RCN3: variants seen among roughly 807,000 people sequenced by gnomAD.
RCN3 encodes the protein reticulocalbin 3.
In RCN3, 41 loss-of-function variants were observed where a neutral mutation model predicts 35.9. That is an observed-to-expected ratio of 1.14 (90% CI 0.89 to 1.48). The LOEUF (loss-of-function observed/expected upper bound fraction) is 1.48. Ranked by LOEUF, RCN3 falls within the 40% of genes most tolerant of loss-of-function variation. RCN3 has a pLI of 0.00. For missense variants in RCN3, 451 were observed against 471.3 expected (o/e 0.96, Z 0.40); for synonymous variants, 187 against 193.4 (o/e 0.97, Z 0.27).
chr19:49,531,188 G>A (rs530257212), intron 2 of RCN3, among the ~76,000 whole-genome samples: 10 of 152,302 alleles, frequency 6.6e-5, no homozygotes, highest in East Asian at 1.9e-4. Context: ...GCATGGTGGC[G>A]TGCTCCTGTA....
chr19:49,543,420 G>A lies in RCN3; in HGVS notation c.*207G>A. The stretch of plus-strand genomic sequence containing the variant: ...AGGGAGGGGCTGTCATAGTCCCAGA[G>A]GATAAGCAATACCTATTTCTGACTG... On this transcript the variant is annotated 3_prime_UTR_variant, in exon 7 of 7. Coordinates refer to ENST00000270645, the MANE Select transcript of RCN3 (RefSeq NM_020650.3). The A allele has an allele frequency of 1.7e-6, 1 of 594,940 alleles. No homozygotes were observed. The highest frequency in any genetic ancestry group is 3.0e-6 in the Non-Finnish European group (1 of 333,130). The allele number at this position is 594,940 out of a possible 1,614,324, so 36.9% of individuals were successfully genotyped here.
At chr19:49,533,263 G>A (rs1291534232) in intron 2 of RCN3, among the ~76,000 whole-genome samples, 14 of 152,214 alleles carry the variant, frequency 9.2e-5, no homozygotes, top group Admixed American at 7.2e-4. Context: ...CGCCTGGTGC[G>A]GGAGGTGGGG....
intron 3 of RCN3, among the ~76,000 whole-genome samples, chr19:49,535,861 AATAT>A (rs1555811304): frequency 4.9e-5 from 7 of 142,746 alleles, no homozygotes; most frequent in African/African-American, 1.3e-4. Flanking sequence ...AAAAAAAAAA[AATAT>A]ATATATATAT....
At chr19:49,530,497 C>CTT (rs1220087922) in intron 2 of RCN3, among the ~76,000 whole-genome samples, 2,445 of 128,276 alleles carry the variant, frequency 0.019, 145 homozygotes, top group East Asian at 0.14. Flanking sequence ...TCTTTTTTTT[C>CTT]TTTTTTTTTT....
intron 2 of RCN3, 132 bp from the exon 3 acceptor site, chr19:49,534,061 C>A: frequency 1.1e-6 from 1 of 946,536 alleles, no homozygotes; most frequent in Non-Finnish European, 1.5e-6. Flanking sequence ...CGCGCCCCTC[C>A]CCAGTTAGCC....
In RCN3 at chr19:49,537,170, G is replaced by A. The variant is rs779538986; in HGVS notation, c.583G>A (p.Glu195Lys). ...REELTAFLHP[E>K]EFPHMRDIVI... The stretch of plus-strand genomic sequence containing the variant: ...GGAGCTGACAGCCTTCCTGCACCCC[G>A]AGGAGTTCCCTCACATGCGGGACAT... The change falls in exon 4 of 7, where the codon GAG becomes AAG. Residue 195 changes from glutamate to lysine, a missense_variant. Transcript: ENST00000270645. The A allele has an allele frequency of 4.7e-5, 73 of 1,568,794 alleles. No homozygotes were observed. In the East Asian group the frequency reaches 7.2e-4, roughly 16 times the overall value.
chr19:49,542,905 G>C lies in RCN3; in HGVS notation c.879+153G>C, dbSNP rs956382290. Among the ~76,000 whole-genome samples, 7 of 152,152 alleles carry C rather than the reference G, an allele frequency of 4.6e-5. No individual in the cohort carries two copies. The East Asian group carries it at 1.2e-3, about 25-fold the overall frequency. On this transcript the variant is annotated intron_variant, in intron 6 of 6. Coordinates refer to ENST00000270645, the MANE Select transcript of RCN3 (RefSeq NM_020650.3). ...GAGAGGGAGGAAAAGAGAGGGCACGGAGCCCCAGAAAGAGAGGGGGACAGA... is the reference window on the plus strand; with the variant it reads ...GAGAGGGAGGAAAAGAGAGGGCACGCAGCCCCAGAAAGAGAGGGGGACAGA...
rs761710307 is a variant in RCN3, at chr19:49,537,210, G to A, written c.618+5G>A. 7 of 1,499,224 alleles carry A rather than the reference G, an allele frequency of 4.7e-6. No homozygotes were observed. The highest frequency in any genetic ancestry group is 2.1e-5 in the Admixed American group (1 of 47,590). 92.9% of individuals were successfully genotyped at this position (1,499,224 alleles called of 1,614,324 possible). ...ATGCGGGACATCGTGATTGCTGTGA[G>A]TGGCGGCTGGGGAACCCTGTCCCCC... On this transcript the variant is annotated splice_donor_5th_base_variant and intron_variant, in intron 4 of 6. Transcript: ENST00000270645.
At chr19:49,536,904 C>T in intron 3 of RCN3, 129 bp from the exon 4 acceptor site, 2 of 805,726 alleles carry the variant, frequency 2.5e-6, no homozygotes, top group Non-Finnish European at 3.6e-6. Context: ...CTGCATCCAG[C>T]CTACTGATAT....
At position 49,543,435 on chromosome 19, in the gene RCN3, A is replaced by G; in HGVS notation, c.*222A>G. 1 of 571,144 alleles carries G rather than the reference A, an allele frequency of 1.8e-6. No homozygotes were observed. The highest frequency in any genetic ancestry group is 2.9e-5 in the East Asian group (1 of 34,002). 35.4% of individuals were successfully genotyped at this position (571,144 alleles called of 1,614,324 possible). On this transcript the variant is annotated 3_prime_UTR_variant, in exon 7 of 7. Transcript: ENST00000270645. The stretch of plus-strand genomic sequence containing the variant: ...TAGTCCCAGAGGATAAGCAATACCT[A>G]TTTCTGACTGAGTCTCCCAGCCCAG...
At chr19:49,529,515 C>T (rs2080098202) in intron 2 of RCN3, among the ~76,000 whole-genome samples, 1 of 152,216 alleles carries the variant, frequency 6.6e-6, no homozygotes, top group Non-Finnish European at 1.5e-5. Context: ...ATTGAGCCTG[C>T]AAAGGTTTAT....
intron 2 of RCN3, among the ~76,000 whole-genome samples, chr19:49,533,651 C>T (rs1313995438): frequency 1.4e-5 from 2 of 141,448 alleles, no homozygotes; most frequent in Non-Finnish European, 3.0e-5. Context: ...GGGCTCAGCA[C>T]AGGGCAGGGC....
chr19:49,528,487 A>G lies in RCN3; in HGVS notation c.15A>G (p.Pro5=), dbSNP rs200270685. The G allele has an allele frequency of 9.3e-4, 1,410 of 1,514,472 alleles. 12 individuals carry two copies. The highest frequency in any genetic ancestry group is 6.7e-4 in the Non-Finnish European group (756 of 1,131,612). 93.8% of individuals were successfully genotyped at this position (1,514,472 alleles called of 1,614,324 possible). Residue 5 remains proline, a synonymous_variant, in exon 2 of 7, where the codon CCA becomes CCG. Transcript: ENST00000270645. ...CCCAGGGACCGATGATGTGGCGACC[A>G]TCAGTTCTGCTGCTTCTGTTGCTAC... MMWR[P]SVLLLLLLLR...
chr19:49,540,491 G>C (rs1482886471), intron 5 of RCN3, among the ~76,000 whole-genome samples: 1 of 152,016 alleles, frequency 6.6e-6, no homozygotes, highest in Admixed American at 6.6e-5. Flanking sequence ...CTGTTGGCAG[G>C]AGCCTGTAAT....
At chr19:49,528,280 G>A in intron 1 of RCN3, 187 bp from the exon 2 acceptor site, 1 of 520,670 alleles carries the variant, frequency 1.9e-6, no homozygotes, top group East Asian at 3.1e-5. Context: ...CCTCCCCATA[G>A]GTGGCTTTAC....
rs752674065 is a variant in RCN3, at chr19:49,534,369, A to G, written c.419A>G (p.Asn140Ser). 6 of 1,537,666 alleles carry G rather than the reference A, an allele frequency of 3.9e-6. No homozygotes were observed. Among genetic ancestry groups the G allele is most frequent in the Non-Finnish European group, 3.5e-6 (4 of 1,143,658 alleles). Residue 140 changes from asparagine to serine, a missense_variant, in exon 3 of 7, where the codon AAC (asparagine) becomes AGC (serine). Coordinates refer to ENST00000270645, the MANE Select transcript of RCN3 (RefSeq NM_020650.3). Reference protein sequence around the residue: ...DGRVGWEELRNATYGHYAPGE... With the variant: ...DGRVGWEELRSATYGHYAPGE... Reference sequence around the variant, plus strand: ...CGTGTGGGTTGGGAGGAGCTGCGCAACGCCACCTATGGCCACTACGCGCCC... The same window carrying G: ...CGTGTGGGTTGGGAGGAGCTGCGCAGCGCCACCTATGGCCACTACGCGCCC...
Position 49,539,180 on chromosome 19 carries a change from G to GT in RCN3, c.679+2dup. ...TATGTCCAGGTGGAGGAGTACATCG[G>GT]TGAGTGGGCCCCAATTTCTTCTTGG... On this transcript the variant is annotated splice_donor_variant, in intron 5 of 6. Coordinates refer to ENST00000270645, the MANE Select transcript of RCN3 (RefSeq NM_020650.3). LOFTEE classifies it high-confidence loss of function. The GT allele has an allele frequency of 6.2e-7, 1 of 1,609,688 alleles. No homozygotes were observed. The highest frequency in any genetic ancestry group is 8.5e-7 in the Non-Finnish European group (1 of 1,178,362).
intron 3 of RCN3, 31 bp downstream of exon 3, chr19:49,534,426 A>G (rs549540419): frequency 6.5e-7 from 1 of 1,532,654 alleles, no homozygotes; most frequent in South Asian, 1.2e-5. Context: ...CCTGCTCCCC[A>G]TACACCGTGA....
At chr19:49,530,968 C>G (rs2080105851) in intron 2 of RCN3, among the ~76,000 whole-genome samples, 1 of 152,050 alleles carries the variant, frequency 6.6e-6, no homozygotes, top group Admixed American at 6.6e-5. Context: ...AGTTCTGAGG[C>G]CCGTGTGGCT....
Sources: gnomAD v4.1 joint callset for allele counts (sites outside exome capture counted in the v4.1 genomes callset) on GRCh38, gnomAD v4.1.1 for gene constraint, MANE v1.5 for transcripts, NCBI Gene and HGNC (gene_info 2026-07-23, HGNC 2026-07-21) for gene names.